Variants in AGFG1 observed in about 807,000 individuals in gnomAD.
AGFG1 encodes ArfGAP with FG repeats 1.
AGFG1 carries 10 observed loss-of-function variants against 60.6 expected under a neutral mutation model. The ratio of observed to expected loss-of-function variants is 0.16; its 90% CI spans 0.10 to 0.28. The LOEUF is 0.28. Among genes scored for constraint, AGFG1 ranks in the 10% least tolerant of loss-of-function variants. AGFG1 has a pLI of 1.00. For missense variants in AGFG1, 537 were observed against 676.5 expected (o/e 0.79, Z 2.29); for synonymous variants, 247 against 242.9 (o/e 1.02, Z -0.16).
intron 10 of AGFG1, among the ~76,000 whole-genome samples, chr2:227,550,771 G>A (rs528822289): frequency 2.6e-5 from 4 of 152,180 alleles, no homozygotes; most frequent in Non-Finnish European, 5.9e-5. Context: ...AAGACATTCC[G>A]TGTAATATTT....
chr2:227,552,157 G>A (rs759001708), intron 11 of AGFG1, 40 bp downstream of exon 11: 2 of 1,610,624 alleles, frequency 1.2e-6, no homozygotes, highest in African/African-American at 1.3e-5. Context: ...TTCATTTTAT[G>A]TATCCTTTTT....
intron 1 of AGFG1, among the ~76,000 whole-genome samples, chr2:227,484,735 ACT>A (rs1463191238): frequency 9.2e-6 from 1 of 108,986 alleles, no homozygotes; most frequent in Non-Finnish European, 1.7e-5. Flanking sequence ...ATGGAGTCTC[ACT>A]CTGTTACCCA....
chr2:227,535,082 G>A (rs1458508985), intron 8 of AGFG1, 57 bp downstream of exon 8: 2 of 1,383,022 alleles, frequency 1.4e-6, no homozygotes, highest in East Asian at 2.7e-5. Flanking sequence ...TTCCAACTTT[G>A]AATAATCAAT....
chr2:227,554,500 A>T lies in AGFG1; in HGVS notation c.*5A>T, dbSNP rs1692913248. 2 of 1,612,058 alleles carry T rather than the reference A, an allele frequency of 1.2e-6. No homozygotes were observed. The highest frequency in any genetic ancestry group is 1.7e-6 in the Non-Finnish European group (2 of 1,178,874). ...TCAACCAATCCTTTCTTATAGCCTTATATAGACAATTTACTGGAACGAACT... is the reference window on the plus strand; with the variant it reads ...TCAACCAATCCTTTCTTATAGCCTTTTATAGACAATTTACTGGAACGAACT... On this transcript the variant is annotated 3_prime_UTR_variant, in exon 13 of 13. Transcript: ENST00000310078.
chr2:227,539,906 G>T (rs536235697), intron 10 of AGFG1, among the ~76,000 whole-genome samples: 1 of 152,226 alleles, frequency 6.6e-6, no homozygotes, highest in South Asian at 2.1e-4. Flanking sequence ...CTTAATCTTT[G>T]CTCACTGCAG....
intron 1 of AGFG1, among the ~76,000 whole-genome samples, chr2:227,490,428 A>G (rs902637145): frequency 3.3e-5 from 5 of 152,086 alleles, no homozygotes; most frequent in African/African-American, 7.2e-5. Flanking sequence ...AATACAAAAA[A>G]TTAGCCGGAC....
At chr2:227,551,346 G>C (rs1317412389) in intron 10 of AGFG1, among the ~76,000 whole-genome samples, 1 of 152,050 alleles carries the variant, frequency 6.6e-6, no homozygotes, top group African/African-American at 2.4e-5. Context: ...GTATGGAATT[G>C]ATTTAATAGG....
rs1333823538 is a variant in AGFG1 at position 227,557,710 on chromosome 2, T to C, written c.*3215T>C. ...TGAGAACAGGAACATTGTTTTACAT[T>C]TTATGCATTTAAATCTGGCTTAATA... On this transcript the variant is annotated 3_prime_UTR_variant, in exon 13 of 13. Transcript: ENST00000310078. The C allele has an allele frequency of 1.3e-5, 2 of 152,194 alleles. No homozygotes were observed. The highest frequency in any genetic ancestry group is 2.9e-5 in the Non-Finnish European group (2 of 68,038). The allele number at this position is 152,194 out of a possible 1,614,324, so 9.4% of individuals were successfully genotyped here.
Position 227,472,365 on chromosome 2 carries a change from C to A in AGFG1, c.-57C>A. On this transcript the variant is annotated 5_prime_UTR_variant, in exon 1 of 13. Coordinates refer to ENST00000310078, the MANE Select transcript of AGFG1 (RefSeq NM_004504.5). Reference sequence around the variant, plus strand: ...GGCGGCCCGTGGGACCGCGGGCCCCCGGCGCAGCGCTGCCCGGCTCCCGGC... The same window carrying A: ...GGCGGCCCGTGGGACCGCGGGCCCCAGGCGCAGCGCTGCCCGGCTCCCGGC... 1 of 1,063,402 alleles carries A rather than the reference C, an allele frequency of 9.4e-7. No homozygotes were observed. Among genetic ancestry groups the A allele is most frequent in the Admixed American group, 5.6e-5 (1 of 17,948 alleles). 65.9% of individuals were successfully genotyped at this position (1,063,402 alleles called of 1,614,324 possible).
In AGFG1 at chr2:227,525,658, G is replaced by A. The variant is rs1319450305; in HGVS notation, c.694+743G>A. Among the ~76,000 whole-genome samples, 5 of 152,130 alleles carry A rather than the reference G, an allele frequency of 3.3e-5. No homozygotes were observed. In the East Asian group the frequency reaches 9.6e-4, roughly 29 times the overall value. On this transcript the variant is annotated intron_variant, in intron 5 of 12. Transcript: ENST00000310078. ...GCTTATTTGTCCTATACAGTTTTCA[G>A]TAGTCTGAATTAGTTGATTGCACCA...
At position 227,559,447 on chromosome 2, in the gene AGFG1, C is replaced by T. The variant is rs148760685; in HGVS notation, c.*4952C>T. On this transcript the variant is annotated 3_prime_UTR_variant, in exon 13 of 13. Transcript: ENST00000310078. ...GAAGACTATCGCCAAGAATGCATAT[C>T]ATTCTGCTTATTTTATTCTAGTGGA... 4.6e-5 allele frequency: 7 copies of T among 152,228 alleles called. No homozygotes were observed. The highest frequency in any genetic ancestry group is 1.4e-4 in the African/African-American group (6 of 41,526). 9.4% of individuals were successfully genotyped at this position (152,228 alleles called of 1,614,324 possible).
intron 3 of AGFG1, among the ~76,000 whole-genome samples, chr2:227,522,847 T>G (rs1437782485): frequency 6.6e-6 from 1 of 152,224 alleles, no homozygotes; most frequent in Non-Finnish European, 1.5e-5. Flanking sequence ...CCTTGCTACC[T>G]CTCCTTTCTT....
intron 12 of AGFG1, 28 bp downstream of exon 12, chr2:227,553,823 T>C: frequency 2.7e-6 from 4 of 1,493,830 alleles, no homozygotes; most frequent in Non-Finnish European, 3.7e-6. Flanking sequence ...TTAAATACTT[T>C]ATAAGTTGTT....
intron 1 of AGFG1, among the ~76,000 whole-genome samples, chr2:227,490,577 CAAA>C (rs11448281): frequency 3.1e-5 from 4 of 130,004 alleles, no homozygotes; most frequent in African/African-American, 6.1e-5. Flanking sequence ...GACTCCGTCT[CAAA>C]AAAAAAAAAA....
chr2:227,524,675 A>C (rs1168312039), intron 4 of AGFG1, 87 bp from the exon 5 acceptor site: 3 of 1,362,996 alleles, frequency 2.2e-6, no homozygotes, highest in Non-Finnish European at 2.1e-6. Flanking sequence ...TCGTATGTAT[A>C]AGTGTGTTTT....
chr2:227,555,022 C>A lies in AGFG1; in HGVS notation c.*527C>A, dbSNP rs1483584151. On this transcript the variant is annotated 3_prime_UTR_variant, in exon 13 of 13. Transcript: ENST00000310078. Reference sequence around the variant, plus strand: ...TAAAGAGCTCTTCTATTTATACATGCCTAAATTCTTTTAAAATGTAGAGGG... The same window carrying A: ...TAAAGAGCTCTTCTATTTATACATGACTAAATTCTTTTAAAATGTAGAGGG... 1 of 152,460 alleles carries A rather than the reference C, an allele frequency of 6.6e-6. No individual in the cohort carries two copies. The highest frequency in any genetic ancestry group is 2.4e-5 in the African/African-American group (1 of 41,372). 9.4% of individuals were successfully genotyped at this position (152,460 alleles called of 1,614,324 possible). A position where few individuals can be genotyped will look rare whatever the true frequency, so the allele number is the denominator to read the frequency against.
Position 227,553,798 on chromosome 2 carries a change from A to G in AGFG1, c.1629+3A>G. The stretch of plus-strand genomic sequence containing the variant: ...GAGTATCTAGTAATCCTTTTATGGT[A>G]AGCAAAATTTAAAATTAAATACTTT... On this transcript the variant is annotated splice_donor_region_variant and intron_variant, in intron 12 of 12. Transcript: ENST00000310078. The G allele has an allele frequency of 6.2e-7, 1 of 1,604,244 alleles. No homozygotes were observed. The highest frequency in any genetic ancestry group is 1.3e-5 in the African/African-American group (1 of 74,676).
At chr2:227,480,028 T>C (rs1489096491) in intron 1 of AGFG1, among the ~76,000 whole-genome samples, 2 of 152,248 alleles carry the variant, frequency 1.3e-5, no homozygotes, top group Admixed American at 1.3e-4. Context: ...GAGGTCATAA[T>C]TATACCTTAC....
intron 10 of AGFG1, among the ~76,000 whole-genome samples, chr2:227,543,288 A>AT (rs1287921511): frequency 1.3e-5 from 2 of 152,120 alleles, no homozygotes; most frequent in Non-Finnish European, 2.9e-5. Context: ...TCTCGTGGGC[A>AT]TTTAGTGCTA....
Sources: gnomAD v4.1 joint callset for allele counts (sites outside exome capture counted in the v4.1 genomes callset) on GRCh38, gnomAD v4.1.1 for gene constraint, MANE v1.5 for transcripts, NCBI Gene and HGNC (gene_info 2026-07-23, HGNC 2026-07-21) for gene names.